Variants in SGPP2 observed in about 807,000 individuals in gnomAD.
SGPP2 encodes sphingosine 1-phosphate phosphohydrolase 2.
SGPP2 carries 30 observed loss-of-function variants against 33.9 expected under a neutral mutation model. The observed-to-expected ratio is 0.89, with a 90% CI of 0.66 to 1.20. The LOEUF is 1.20. Ranked by LOEUF, SGPP2 falls within the 50% of genes most tolerant of loss-of-function variation. The pLI is 0.00. For missense variants in SGPP2, 458 were observed against 532.1 expected (o/e 0.86, Z 1.37); for synonymous variants, 233 against 225.0 (o/e 1.04, Z -0.32).
In SGPP2 at chr2:222,558,599, T is replaced by C; in HGVS notation, c.901T>C (p.Ser301Pro). The change falls in exon 5 of 5, where the codon TCC becomes CCC. Residue 301 changes from serine to proline, a missense_variant. By Grantham distance (74) the Ser-to-Pro change is moderately conservative. Coordinates refer to ENST00000321276, the MANE Select transcript of SGPP2 (RefSeq NM_152386.4). Reference sequence around the variant, plus strand: ...GATCAACCATTTCTTCCAGCTTGTATCCAAGCCCGCTGAATCTCTCCCTGT... The same window carrying C: ...GATCAACCATTTCTTCCAGCTTGTACCCAAGCCCGCTGAATCTCTCCCTGT... Reference protein sequence around the residue: ...FWINHFFQLVSKPAESLPVIQ... With the variant: ...FWINHFFQLVPKPAESLPVIQ... 6.2e-7 allele frequency: 1 copy of C among 1,614,180 alleles called. No homozygotes were observed. The highest frequency in any genetic ancestry group is 8.5e-7 in the Non-Finnish European group (1 of 1,180,036).
intron 4 of SGPP2, among the ~76,000 whole-genome samples, chr2:222,555,882 C>T (rs545321632): frequency 6.6e-6 from 1 of 152,274 alleles, no homozygotes; most frequent in South Asian, 2.1e-4. Context: ...TCCAAGAATT[C>T]CAAATAACAG....
At chr2:222,450,219 G>A (rs551693248) in intron 1 of SGPP2, among the ~76,000 whole-genome samples, 3 of 152,182 alleles carry the variant, frequency 2.0e-5, no homozygotes, top group Non-Finnish European at 4.4e-5. Context: ...AGCAGACCAT[G>A]CCTGGCAGAT....
chr2:222,490,478 G>C (rs1260596311), intron 2 of SGPP2, among the ~76,000 whole-genome samples: 1 of 152,146 alleles, frequency 6.6e-6, no homozygotes, highest in Non-Finnish European at 1.5e-5. Flanking sequence ...GCCTAGGCTA[G>C]AGTGCAGTGG....
At chr2:222,517,462 T>A (rs1190801848) in intron 2 of SGPP2, among the ~76,000 whole-genome samples, 1 of 151,632 alleles carries the variant, frequency 6.6e-6, no homozygotes, top group Non-Finnish European at 1.5e-5. Flanking sequence ...TCCCACCACA[T>A]CCCCCTTCCA....
chr2:222,434,831 A>G (rs1276753278), intron 1 of SGPP2, among the ~76,000 whole-genome samples: 1 of 152,200 alleles, frequency 6.6e-6, no homozygotes, highest in African/African-American at 2.4e-5. Context: ...GAAAGGGCTT[A>G]GGTGAAAGAT....
intron 2 of SGPP2, among the ~76,000 whole-genome samples, chr2:222,480,752 T>C (rs1698015853): frequency 6.6e-6 from 1 of 152,236 alleles, no homozygotes; most frequent in Non-Finnish European, 1.5e-5. Flanking sequence ...TTCCTGAACT[T>C]TCGGTGTTCT....
rs1399090484 is a variant in SGPP2, at chr2:222,550,972, T to G, written c.649-7375T>G. ...ACTGGGTCTAGGTGTTTGAATATGC[T>G]GTATATTTTGTATACTTTGTAGTCT... On this transcript the variant is annotated intron_variant, in intron 4 of 4. Coordinates refer to ENST00000321276, the MANE Select transcript of SGPP2 (RefSeq NM_152386.4). This position sits in a 1 kb window ranked among gnomAD's most constrained non-coding sequence, Gnocchi z 4.5. 6.6e-6 allele frequency among the ~76,000 whole-genome samples: 1 copy of G among 151,196 alleles called. No individual in the cohort carries two copies. Among genetic ancestry groups the G allele is most frequent in the Non-Finnish European group, 1.5e-5 (1 of 68,042 alleles).
chr2:222,440,738 A>G (rs1047335241), intron 1 of SGPP2, among the ~76,000 whole-genome samples: 4 of 152,090 alleles, frequency 2.6e-5, no homozygotes, highest in African/African-American at 9.7e-5. Context: ...GGACAACTTC[A>G]GTCTCTCTTC....
chr2:222,483,140 C>T (rs1264727205), intron 2 of SGPP2, among the ~76,000 whole-genome samples: 1 of 152,168 alleles, frequency 6.6e-6, no homozygotes, highest in Non-Finnish European at 1.5e-5. Context: ...TATGGCTTTA[C>T]TTATTTTGTC....
chr2:222,442,125 A>G (rs1697333942), intron 1 of SGPP2, among the ~76,000 whole-genome samples: 1 of 152,242 alleles, frequency 6.6e-6, no homozygotes, highest in African/African-American at 2.4e-5. Flanking sequence ...TTGGGCAAAA[A>G]TATATTCTTA....
intron 2 of SGPP2, among the ~76,000 whole-genome samples, chr2:222,492,283 C>T (rs1011016709): frequency 1.8e-4 from 27 of 152,328 alleles, no homozygotes; most frequent in African/African-American, 6.5e-4. Flanking sequence ...AGGCCTCCAC[C>T]CCTGCAGCAA....
intron 1 of SGPP2, among the ~76,000 whole-genome samples, chr2:222,425,403 C>T (rs1697049885): frequency 6.6e-6 from 1 of 152,218 alleles, no homozygotes; most frequent in African/African-American, 2.4e-5. Flanking sequence ...GCTTGCCCTC[C>T]CCCAGAGTCT....
In SGPP2 at chr2:222,437,133, T is replaced by C. The variant is rs577190235; in HGVS notation, c.219+12312T>C. On this transcript the variant is annotated intron_variant, in intron 1 of 4. Coordinates refer to ENST00000321276, the MANE Select transcript of SGPP2 (RefSeq NM_152386.4). The stretch of plus-strand genomic sequence containing the variant: ...GGTGAGCACTCACATGGGATACAAA[T>C]GTCTTCACAATTTTGGGCCACTCAG... Among the ~76,000 whole-genome samples, 8 of 152,326 alleles carry C rather than the reference T, an allele frequency of 5.3e-5. No individual in the cohort carries two copies. The East Asian group carries it at 1.5e-3, about 29-fold the overall frequency.
At chr2:222,532,819 T>C (rs1698858570) in intron 4 of SGPP2, among the ~76,000 whole-genome samples, 1 of 152,158 alleles carries the variant, frequency 6.6e-6, no homozygotes, top group Admixed American at 6.5e-5. Context: ...TTTGGGAATG[T>C]TTGGGGAATT....
intron 1 of SGPP2, among the ~76,000 whole-genome samples, chr2:222,457,810 G>A (rs1196774111): frequency 6.6e-6 from 1 of 152,174 alleles, no homozygotes; most frequent in Non-Finnish European, 1.5e-5. Flanking sequence ...CCCCAGGGAG[G>A]GTAGACCTGG....
chr2:222,549,335 T>C (rs933005376), intron 4 of SGPP2, among the ~76,000 whole-genome samples: 1 of 152,226 alleles, frequency 6.6e-6, no homozygotes, highest in African/African-American at 2.4e-5. Flanking sequence ...GAATGGAAAT[T>C]TGTCGCAGTA....
At chr2:222,493,058 G>A (rs1182119326) in intron 2 of SGPP2, among the ~76,000 whole-genome samples, 1 of 152,146 alleles carries the variant, frequency 6.6e-6, no homozygotes, top group Non-Finnish European at 1.5e-5. Flanking sequence ...CCTCCAAACT[G>A]TTCCAACCTT....
rs58509644 is a variant in SGPP2 at position 222,559,461 on chromosome 2, T to TTTTTGTTTTG, written c.*572_*581dup. 2.6e-5 allele frequency: 4 copies of TTTTTGTTTTG among 155,148 alleles called. No individual in the cohort carries two copies. The highest frequency in any genetic ancestry group is 7.2e-5 in the African/African-American group (3 of 41,384). 9.6% of individuals were successfully genotyped at this position (155,148 alleles called of 1,614,324 possible). On this transcript the variant is annotated 3_prime_UTR_variant, in exon 5 of 5. Transcript: ENST00000321276. ...ACTTCCTTATCGTTTATTTGGTGAT[T>TTTTTGTTTTG]TTTTGTTTTGTTTTGTTTGAGACAG...
chr2:222,461,829 G>A (rs1019253456), intron 1 of SGPP2, among the ~76,000 whole-genome samples: 1 of 152,178 alleles, frequency 6.6e-6, no homozygotes, highest in Non-Finnish European at 1.5e-5. Context: ...CCATGGCCCA[G>A]GGGTTGGGGA....
Sources: gnomAD v4.1 joint callset for allele counts (sites outside exome capture counted in the v4.1 genomes callset) on GRCh38, gnomAD v4.1.1 for gene constraint, Gnocchi (gnomAD v3.1) non-coding constraint, MANE v1.5 for transcripts, NCBI Gene and HGNC (gene_info 2026-07-23, HGNC 2026-07-21) for gene names.